USP6NL: variants seen among roughly 807,000 people sequenced by gnomAD.
The protein encoded by USP6NL is USP6 N-terminal like.
In USP6NL, 26 loss-of-function variants were observed where a neutral mutation model predicts 61.9. That is an observed-to-expected ratio of 0.42 (90% CI 0.31 to 0.58). The LOEUF is 0.58. Among genes scored for constraint, USP6NL ranks in the 20% least tolerant of loss-of-function variants. USP6NL has a pLI of 0.16. For missense variants in USP6NL, 1,114 were observed against 1,034.3 expected (o/e 1.08, Z -1.06); for synonymous variants, 432 against 390.1 (o/e 1.11, Z -1.27).
rs369171509 is a variant in USP6NL, at chr10:11,570,267, C to T, written c.4+27364G>A. Among the ~76,000 whole-genome samples, 27 of 152,334 alleles carry T rather than the reference C, an allele frequency of 1.8e-4. No individual in the cohort carries two copies. The South Asian group carries it at 5.4e-3, about 30-fold the overall frequency. On this transcript the variant is annotated intron_variant, in intron 2 of 14. Coordinates refer to ENST00000609104, the MANE Select transcript of USP6NL (RefSeq NM_014688.5). ...ACTGACTTTTGTCTCTGACCACTTGCATCTGAGCTCCTTGAGGATATATCT... is the reference window on the plus strand; with the variant it reads ...ACTGACTTTTGTCTCTGACCACTTGTATCTGAGCTCCTTGAGGATATATCT...
At chr10:11,546,901 A>C (rs931366882) in intron 2 of USP6NL, among the ~76,000 whole-genome samples, 2 of 152,248 alleles carry the variant, frequency 1.3e-5, no homozygotes, top group African/African-American at 4.8e-5. Flanking sequence ...CAACTTTTCT[A>C]ACAAATAATG....
chr10:11,578,482 T>C (rs1837631446), intron 2 of USP6NL, among the ~76,000 whole-genome samples: 1 of 152,178 alleles, frequency 6.6e-6, no homozygotes, highest in African/African-American at 2.4e-5. Flanking sequence ...TTATAGATAC[T>C]CTATCAGGCT....
At chr10:11,554,730 A>C (rs1346360131) in intron 2 of USP6NL, among the ~76,000 whole-genome samples, 8 of 151,780 alleles carry the variant, frequency 5.3e-5, no homozygotes, top group African/African-American at 1.9e-4. Flanking sequence ...ATTACAAGGC[A>C]TATGAAGACA....
At chr10:11,555,435 T>TATAA (rs1836662569) in intron 2 of USP6NL, among the ~76,000 whole-genome samples, 1 of 52,642 alleles carries the variant, frequency 1.9e-5, no homozygotes, top group East Asian at 9.0e-4. Flanking sequence ...AAAAAAAAAA[T>TATAA]ATATATATAT....
At position 11,511,531 on chromosome 10, in the gene USP6NL, A is replaced by C. The variant is rs1834713831; in HGVS notation, c.196-1856T>G. ...GGAAAACACCAAATAATTCAAGCCAACCCAAGAGTATAACAACATACACTT... is the reference window on the plus strand; with the variant it reads ...GGAAAACACCAAATAATTCAAGCCACCCCAAGAGTATAACAACATACACTT... On this transcript the variant is annotated intron_variant, in intron 5 of 14. Coordinates refer to ENST00000609104, the MANE Select transcript of USP6NL (RefSeq NM_014688.5). The surrounding 1 kb of genome is among the most constrained non-coding windows in gnomAD (Gnocchi z 4.9). Among the ~76,000 whole-genome samples, 1 of 152,178 alleles carries C rather than the reference A, an allele frequency of 6.6e-6. No individual in the cohort carries two copies. Among genetic ancestry groups the C allele is most frequent in the South Asian group, 2.1e-4 (1 of 4,832 alleles).
chr10:11,534,507 A>G (rs1835765376), intron 2 of USP6NL, among the ~76,000 whole-genome samples: 1 of 152,226 alleles, frequency 6.6e-6, no homozygotes, highest in Non-Finnish European at 1.5e-5. Flanking sequence ...GTCTTAGAAG[A>G]GAGTGGATTC....
In USP6NL at chr10:11,520,174, TC is replaced by T. The variant is rs2133380671; in HGVS notation, c.156-1601del. Among the ~76,000 whole-genome samples, 1 of 152,310 alleles carries T rather than the reference TC, an allele frequency of 6.6e-6. No individual in the cohort carries two copies. Among genetic ancestry groups the T allele is most frequent in the East Asian group, 1.9e-4 (1 of 5,188 alleles). On this transcript the variant is annotated intron_variant, in intron 4 of 14. Transcript: ENST00000609104. The surrounding 1 kb of genome is among the most constrained non-coding windows in gnomAD (Gnocchi z 5.2). ...AACTTCATACAGACAAGATCTCAGA[TC>T]ATGCAGGAGTATATGAAGAAAAGGG...
chr10:11,573,481 T>C lies in USP6NL; in HGVS notation c.4+24150A>G, dbSNP rs574728850. ...ACCTGATCCTTTTCAGATACCATAATATATCAGAAATGCAAAAGCATACAC... is the reference window on the plus strand; with the variant it reads ...ACCTGATCCTTTTCAGATACCATAACATATCAGAAATGCAAAAGCATACAC... On this transcript the variant is annotated intron_variant, in intron 2 of 14. Transcript: ENST00000609104. 4.3e-5 allele frequency: 17 copies of C among 394,312 alleles called. No individual in the cohort carries two copies. In the South Asian group the frequency reaches 8.4e-4, roughly 20 times the overall value. The allele number at this position is 394,312 out of a possible 1,614,324, so 24.4% of individuals were successfully genotyped here. A position where few individuals can be genotyped will look rare whatever the true frequency, so the allele number is the denominator to read the frequency against.
Position 11,463,699 on chromosome 10 carries a change from C to G in USP6NL, c.1229G>C (p.Arg410Thr). ...SGRRESGAPHRRHEHSPHPQS... is the reference protein window; with the variant it reads ...SGRRESGAPHTRHEHSPHPQS... ...GGGGTGCGGGGAGTGCTCGTGCCTC[C>G]TGTGGGGCGCCCCGCTCTCCCTCCT... The change falls in exon 15 of 15, where the codon AGG (arginine) becomes ACG (threonine). Residue 410 changes from arginine (R) to threonine (T), a missense_variant. By Grantham distance (71) the Arg-to-Thr change is moderately conservative (BLOSUM62 -1). Coordinates refer to ENST00000609104, the MANE Select transcript of USP6NL (RefSeq NM_014688.5). This position sits in a 1 kb window ranked among gnomAD's most constrained non-coding sequence, Gnocchi z 6.3. 1 of 1,612,896 alleles carries G rather than the reference C, an allele frequency of 6.2e-7. No homozygotes were observed. The highest frequency in any genetic ancestry group is 8.5e-7 in the Non-Finnish European group (1 of 1,179,334).
rs78164384 is a variant in USP6NL, at chr10:11,510,471, A to T, written c.196-796T>A. On this transcript the variant is annotated intron_variant, in intron 5 of 14. Coordinates refer to ENST00000609104, the MANE Select transcript of USP6NL (RefSeq NM_014688.5). This position sits in a 1 kb window ranked among gnomAD's most constrained non-coding sequence, Gnocchi z 4.8. ...AGCTCCAAAGGGTTTACAAAAAAGC[A>T]TCAGGACACCAGGCTGCCAAAGTTG... Among the ~76,000 whole-genome samples the T allele has an allele frequency of 7.0e-3, 1,070 of 152,284 alleles. 5 individuals carry two copies. Among genetic ancestry groups the T allele is most frequent in the Non-Finnish European group, 0.012 (823 of 68,016 alleles).
Position 11,591,276 on chromosome 10 carries a change from A to T in USP6NL, c.4+6355T>A, listed in dbSNP as rs1445430192. Among the ~76,000 whole-genome samples the T allele has an allele frequency of 6.7e-6, 1 of 149,338 alleles. No homozygotes were observed. The highest frequency in any genetic ancestry group is 1.5e-5 in the Non-Finnish European group (1 of 66,422). ...CTCTTGAAACTATTATAAAGAAGTC[A>T]TTTGGAGCACACTGGTTTGTGTTGT... On this transcript the variant is annotated intron_variant, in intron 2 of 14. Transcript: ENST00000609104. The surrounding 1 kb of genome is among the most constrained non-coding windows in gnomAD (Gnocchi z 4.7).
chr10:11,534,936 CATT>C (rs773753324), intron 2 of USP6NL, among the ~76,000 whole-genome samples: 1 of 152,230 alleles, frequency 6.6e-6, no homozygotes, highest in Non-Finnish European at 1.5e-5. Flanking sequence ...TAGAAGCAAT[CATT>C]GTTAGCTGCC....
In USP6NL at chr10:11,589,074, G is replaced by A. The variant is rs1261108411; in HGVS notation, c.4+8557C>T. 3.3e-5 allele frequency among the ~76,000 whole-genome samples: 5 copies of A among 152,138 alleles called. No homozygotes were observed. The highest frequency in any genetic ancestry group is 4.4e-5 in the Non-Finnish European group (3 of 68,018). On this transcript the variant is annotated intron_variant, in intron 2 of 14. Coordinates refer to ENST00000609104, the MANE Select transcript of USP6NL (RefSeq NM_014688.5). The surrounding 1 kb of genome is among the most constrained non-coding windows in gnomAD (Gnocchi z 4.7). ...GATAAGATAATGGCAATGGAGAAGCGCCTTTCCTTATCCAGAAGAGAGACT... is the reference window on the plus strand; with the variant it reads ...GATAAGATAATGGCAATGGAGAAGCACCTTTCCTTATCCAGAAGAGAGACT...
At position 11,463,102 on chromosome 10, in the gene USP6NL, G is replaced by A; in HGVS notation, c.1826C>T (p.Pro609Leu). Residue 609 changes from proline (P) to leucine (L), a missense_variant, in exon 15 of 15, where the codon CCT (proline) becomes CTT (leucine). Coordinates refer to ENST00000609104, the MANE Select transcript of USP6NL (RefSeq NM_014688.5). The surrounding 1 kb of genome is among the most constrained non-coding windows in gnomAD (Gnocchi z 6.3). Reference sequence around the variant, plus strand: ...GGACGGATATCGTGCATGACTTGGAGGCTGTACTTTAAAAGTAAACTTGTT... The same window carrying A: ...GGACGGATATCGTGCATGACTTGGAAGCTGTACTTTAAAAGTAAACTTGTT... ...VSNKFTFKVQPPSHARYPSQL... is the reference protein window; with the variant it reads ...VSNKFTFKVQLPSHARYPSQL... The A allele has an allele frequency of 1.2e-6, 2 of 1,614,016 alleles. No individual in the cohort carries two copies. Among genetic ancestry groups the A allele is most frequent in the South Asian group, 1.1e-5 (1 of 91,086 alleles).
chr10:11,609,828 C>A (rs1232126541), intron 1 of USP6NL, among the ~76,000 whole-genome samples: 3 of 152,158 alleles, frequency 2.0e-5, no homozygotes, highest in Non-Finnish European at 4.4e-5. Flanking sequence ...CCTAACAGTG[C>A]CAAATCTGAC....
At chr10:11,573,580 T>C (rs1276518741) in intron 2 of USP6NL, 1 of 398,844 alleles carries the variant, frequency 2.5e-6, no homozygotes, top group Non-Finnish European at 4.4e-6. Flanking sequence ...CTGAAAGTGC[T>C]TGATTGTTCA....
chr10:11,579,963 C>CGGG (rs1195295759), intron 2 of USP6NL, among the ~76,000 whole-genome samples: 3 of 102,284 alleles, frequency 2.9e-5, no homozygotes, highest in Admixed American at 1.1e-4. Context: ...TGGAGAGTGG[C>CGGG]GGGGGGGGGG....
At position 11,462,379 on chromosome 10, in the gene USP6NL, G is replaced by A; in HGVS notation, c.*62C>T. 6.5e-7 allele frequency: 1 copy of A among 1,535,560 alleles called. No individual in the cohort carries two copies. Among genetic ancestry groups the A allele is most frequent in the Non-Finnish European group, 8.8e-7 (1 of 1,137,672 alleles). ...GTATAAATACTGCTTTGGCAATTAT[G>A]AACATAGCAATGTAGGTTTCACGTG... On this transcript the variant is annotated 3_prime_UTR_variant, in exon 15 of 15. Coordinates refer to ENST00000609104, the MANE Select transcript of USP6NL (RefSeq NM_014688.5).
chr10:11,606,353 G>A (rs888020362), intron 1 of USP6NL, among the ~76,000 whole-genome samples: 2 of 152,162 alleles, frequency 1.3e-5, no homozygotes, highest in African/African-American at 4.8e-5. Context: ...ATACTAAATG[G>A]TATCTTTAGG....
Sources: gnomAD v4.1 joint callset for allele counts (sites outside exome capture counted in the v4.1 genomes callset) on GRCh38, gnomAD v4.1.1 for gene constraint, Gnocchi (gnomAD v3.1) non-coding constraint, MANE v1.5 for transcripts, NCBI Gene and HGNC (gene_info 2026-07-23, HGNC 2026-07-21) for gene names.